The following LAMTOR5 variants were observed in gnomAD, a reference collection of about 807,000 sequenced individuals.
LAMTOR5 encodes the protein late endosomal/lysosomal adaptor, MAPK and MTOR activator 5.
LAMTOR5 carries 8 observed loss-of-function variants against 12.1 expected under a neutral mutation model. That is an observed-to-expected ratio of 0.66 (90% CI 0.39 to 1.19). LAMTOR5 has a LOEUF of 1.19. LAMTOR5 is among the 50% of genes most tolerant of loss of function. The pLI is 0.01. For missense variants in LAMTOR5, 110 were observed against 112.8 expected (o/e 0.97, Z 0.11); for synonymous variants, 37 against 41.9 (o/e 0.88, Z 0.45).
intron 1 of LAMTOR5, chr1:110,407,345 GT>G: frequency 1.7e-6 from 1 of 603,146 alleles, no homozygotes; most frequent in Middle Eastern, 4.4e-4. Context: ...GTTTTGGCCC[GT>G]GGCCTGGGCC....
At chr1:110,401,705 A>T in intron 3 of LAMTOR5, 122 bp from the exon 4 acceptor site, 2 of 1,067,644 alleles carry the variant, frequency 1.9e-6, no homozygotes, top group East Asian at 5.3e-5. Context: ...TACGTATAAA[A>T]GCAATATTTA....
chr1:110,405,455 G>A (rs1386827429), intron 2 of LAMTOR5, among the ~76,000 whole-genome samples: 1 of 152,098 alleles, frequency 6.6e-6, no homozygotes, highest in African/African-American at 2.4e-5. Context: ...GTGAGCCACC[G>A]CATCCGGCCT....
At chr1:110,405,249 C>T (rs1304354596) in intron 2 of LAMTOR5, among the ~76,000 whole-genome samples, 1 of 151,920 alleles carries the variant, frequency 6.6e-6, no homozygotes, top group Non-Finnish European at 1.5e-5. Flanking sequence ...CAACCTCTGC[C>T]TCCCAGGTTC....
chr1:110,407,448 G>GCCC (rs1207767556), intron 1 of LAMTOR5, 138 bp downstream of exon 1: 1 of 1,103,028 alleles, frequency 9.1e-7, no homozygotes, highest in Non-Finnish European at 1.3e-6. Context: ...GTAGAGTTTA[G>GCCC]CCCCCTCATC....
rs1348062428 is a variant in LAMTOR5, at chr1:110,403,979, G to C, written c.155C>G (p.Ala52Gly). The C allele has an allele frequency of 6.2e-7, 1 of 1,614,220 alleles. No homozygotes were observed. Among genetic ancestry groups the C allele is most frequent in the East Asian group, 2.2e-5 (1 of 44,892 alleles). Residue 52 changes from alanine (A) to glycine (G), a missense_variant, in exon 3 of 4, where the codon GCA (alanine) becomes GGA (glycine). By Grantham distance (60) the Ala-to-Gly change is moderately conservative. Coordinates refer to ENST00000602318, the MANE Select transcript of LAMTOR5 (RefSeq NM_001382293.1). ...AGTGGGGTCAGAGGTTAGCTTAGCT[G>C]CTTGCTGGGCTAGAACAGATATCAC... ...AGVISVLAQQ[A>G]AKLTSDPTDI...
intron 2 of LAMTOR5, among the ~76,000 whole-genome samples, chr1:110,405,666 G>C (rs1303591233): frequency 6.6e-6 from 1 of 152,076 alleles, no homozygotes; most frequent in Non-Finnish European, 1.5e-5. Context: ...GGGTTGTTAT[G>C]AGGAATAAAA....
intron 3 of LAMTOR5, 68 bp from the exon 4 acceptor site, chr1:110,401,651 T>A (rs1390144160): frequency 1.3e-6 from 2 of 1,506,590 alleles, no homozygotes; most frequent in Non-Finnish European, 1.8e-6. Context: ...ATTAAAGATG[T>A]TGTTTGCTTT....
intron 1 of LAMTOR5, chr1:110,407,219 C>T: frequency 1.7e-6 from 1 of 577,436 alleles, no homozygotes; most frequent in Non-Finnish European, 3.1e-6. Context: ...TGTTTGTTTA[C>T]ACTGCAGGGC....
upstream of LAMTOR5, chr1:110,407,799 C>T: frequency 1.2e-6 from 2 of 1,614,134 alleles, no homozygotes; most frequent in Non-Finnish European, 1.7e-6. Flanking sequence ...GCTTCCGTCG[C>T]ACAGAGCCTG....
At chr1:110,407,882 C>T (rs1557925456), upstream of LAMTOR5, 3 of 1,610,038 alleles carry the variant, frequency 1.9e-6, no homozygotes, top group East Asian at 6.7e-5. Flanking sequence ...AACCGGCCGG[C>T]ACGGATTATT....
In LAMTOR5 at chr1:110,404,047, G is replaced by C; in HGVS notation, c.98-11C>G. The C allele has an allele frequency of 1.2e-6, 2 of 1,613,212 alleles. No homozygotes were observed. The highest frequency in any genetic ancestry group is 1.7e-6 in the Non-Finnish European group (2 of 1,179,726). On this transcript the variant is annotated splice_polypyrimidine_tract_variant and intron_variant, in intron 2 of 3. Transcript: ENST00000602318. The stretch of plus-strand genomic sequence containing the variant: ...ACAGGGTCCCGCGGCCTGGAAAATA[G>C]AGATGATATATGTCACCTGATTGCT...
chr1:110,406,764 C>T, intron 1 of LAMTOR5: 2 of 346,614 alleles, frequency 5.8e-6, no homozygotes, highest in Non-Finnish European at 1.0e-5. Context: ...GCGGAGGTTG[C>T]AGTGAGCCGA....
rs573411657 is a variant in LAMTOR5, at chr1:110,407,379, A to G, written c.35+207T>C. ...GCCCGGGAGACTCGCTCAAGAGGGA[A>G]TGTGCGGTGCCCGGCAGGATTTTAA... On this transcript the variant is annotated intron_variant, in intron 1 of 3. Transcript: ENST00000602318. The G allele has an allele frequency of 1.8e-5, 12 of 653,222 alleles. No individual in the cohort carries two copies. The East Asian group carries it at 3.3e-4, about 18-fold the overall frequency. The allele number at this position is 653,222 out of a possible 1,614,324, so 40.5% of individuals were successfully genotyped here. A position where few individuals can be genotyped will look rare whatever the true frequency, so the allele number is the denominator to read the frequency against.
intron 2 of LAMTOR5, 107 bp from the exon 3 acceptor site, chr1:110,404,143 T>A (rs1663283173): frequency 6.7e-7 from 1 of 1,492,874 alleles, no homozygotes; most frequent in South Asian, 1.3e-5. Context: ...TTTTTATTAA[T>A]GTCTGTATTA....
intron 2 of LAMTOR5, among the ~76,000 whole-genome samples, 154 bp from the exon 3 acceptor site, chr1:110,404,190 A>C (rs1337530696): frequency 6.6e-6 from 1 of 152,234 alleles, no homozygotes. Flanking sequence ...CTCGGGTACA[A>C]AAGTACCTAT....
intron 3 of LAMTOR5, 109 bp downstream of exon 3, chr1:110,403,810 C>T (rs78923561): frequency 1.4e-6 from 2 of 1,472,416 alleles, no homozygotes; most frequent in Admixed American, 4.7e-5. Flanking sequence ...AGAACTTTTC[C>T]CAAAGTAGTC....
chr1:110,404,753 A>C (rs1663293731), intron 2 of LAMTOR5, among the ~76,000 whole-genome samples: 1 of 152,152 alleles, frequency 6.6e-6, no homozygotes. Flanking sequence ...TATAACCTTA[A>C]AATATCGTGA....
chr1:110,404,992 G>A (rs145742708), intron 2 of LAMTOR5, among the ~76,000 whole-genome samples: 4,036 of 149,350 alleles, frequency 0.027, 100 homozygotes, highest in South Asian at 0.063. Flanking sequence ...AGGTTGCAGT[G>A]AGCCAAGATC....
intron 1 of LAMTOR5, 36 bp from the exon 2 acceptor site, chr1:110,406,415 ATGGG>A (rs1473954304): frequency 6.8e-7 from 1 of 1,477,154 alleles, no homozygotes; most frequent in Admixed American, 1.8e-5. Flanking sequence ...GAAGTACATA[ATGGG>A]AGAAAAAGGA....
Sources: allele counts gnomAD v4.1 joint callset (sites outside exome capture counted in the v4.1 genomes callset), GRCh38; gene constraint gnomAD v4.1.1; transcripts MANE v1.5; gene names NCBI Gene and HGNC (gene_info 2026-07-23, HGNC 2026-07-21).